SS18: variants seen among roughly 807,000 people sequenced by gnomAD.
SS18 encodes SS18 subunit of BAF chromatin remodeling complex.
A neutral mutation model predicts 72.5 loss-of-function variants in SS18; 28 were observed. The ratio of observed to expected loss-of-function variants is 0.39; its 90% CI spans 0.29 to 0.53. The LOEUF (loss-of-function observed/expected upper bound fraction) is 0.53, where lower values mean the gene tolerates loss of function less well. SS18 is among the 20% of genes least tolerant of loss of function. The pLI is 0.76. For synonymous variants in SS18, 172 were observed against 164.2 expected (o/e 1.05, Z -0.37); for missense variants, 518 against 535.3 (o/e 0.97, Z 0.32).
chr18:26,048,769 G>A (rs1400526917), intron 5 of SS18, among the ~76,000 whole-genome samples: 3 of 152,174 alleles, frequency 2.0e-5, no homozygotes, highest in African/African-American at 7.2e-5. Context: ...ACTTAGCCAC[G>A]TGAATCAACA....
chr18:26,083,212 G>A (rs1037581731), intron 2 of SS18, among the ~76,000 whole-genome samples: 2 of 152,114 alleles, frequency 1.3e-5, no homozygotes, highest in African/African-American at 4.8e-5. Flanking sequence ...AAGTATATGT[G>A]AGAAAATGAG....
intron 4 of SS18, among the ~76,000 whole-genome samples, chr18:26,055,747 TTC>T (rs1053409584): frequency 9.3e-5 from 14 of 150,426 alleles, no homozygotes; most frequent in Non-Finnish European, 1.8e-4. Flanking sequence ...GAGAAATTCT[TTC>T]TGTTTTTTTT....
chr18:26,090,491 G>C lies in SS18; in HGVS notation c.69+10C>G, dbSNP rs768746061. The C allele has an allele frequency of 1.3e-6, 2 of 1,563,606 alleles. No individual in the cohort carries two copies. Among genetic ancestry groups the C allele is most frequent in the African/African-American group, 1.4e-5 (1 of 73,296 alleles). On this transcript the variant is annotated intron_variant, in intron 1 of 10. Coordinates refer to ENST00000415083, the MANE Select transcript of SS18 (RefSeq NM_001007559.3). ...AAGGGCCTGGCATCCGCAACCCCGC[G>C]CGGTTTCACCTTCTGAATCGCAGCG...
chr18:26,087,444 T>A, intron 2 of SS18, 57 bp downstream of exon 2: 1 of 955,650 alleles, frequency 1.0e-6, no homozygotes, highest in Non-Finnish European at 1.6e-6. Flanking sequence ...TAGTAAAAAG[T>A]AAAAAATTAA....
chr18:26,035,239 AT>A lies in SS18; in HGVS notation c.974-113del. 7.9e-7 allele frequency: 1 copy of A among 1,267,522 alleles called. No homozygotes were observed. The highest frequency in any genetic ancestry group is 2.6e-5 in the Admixed American group (1 of 37,952). 78.5% of individuals were successfully genotyped at this position (1,267,522 alleles called of 1,614,324 possible). A position where few individuals can be genotyped will look rare whatever the true frequency, so the allele number is the denominator to read the frequency against. ...AAGAACAAAATGAAATGCCATATTGATTTTTAGAAGTTAACAAAACAAAGAA... is the reference window on the plus strand; with the variant it reads ...AAGAACAAAATGAAATGCCATATTGATTTTAGAAGTTAACAAAACAAAGAA... On this transcript the variant is annotated intron_variant, in intron 8 of 10. Coordinates refer to ENST00000415083, the MANE Select transcript of SS18 (RefSeq NM_001007559.3). This position sits in a 1 kb window ranked among gnomAD's most constrained non-coding sequence, Gnocchi z 4.4.
At chr18:26,070,114 TC>T (rs2054288294) in intron 3 of SS18, among the ~76,000 whole-genome samples, 1 of 152,050 alleles carries the variant, frequency 6.6e-6, no homozygotes, top group African/African-American at 2.4e-5. Flanking sequence ...ACACAAGAAA[TC>T]CACGTAACAA....
intron 3 of SS18, among the ~76,000 whole-genome samples, chr18:26,069,224 G>A (rs1056793844): frequency 1.3e-5 from 2 of 151,964 alleles, no homozygotes; most frequent in Non-Finnish European, 2.9e-5. Context: ...ACCTTTACAT[G>A]TTGGACACCA....
At chr18:26,057,555 T>G (rs780993267) in intron 4 of SS18, 34 bp downstream of exon 4, 14 of 1,596,652 alleles carry the variant, frequency 8.8e-6, no homozygotes, top group South Asian at 5.5e-5. Flanking sequence ...GCTAAGCAAC[T>G]CTGGTGTTAA....
intron 5 of SS18, among the ~76,000 whole-genome samples, chr18:26,041,597 G>A (rs1005306490): frequency 2.0e-5 from 3 of 151,948 alleles, no homozygotes; most frequent in Non-Finnish European, 4.4e-5. Context: ...AACCTGATCG[G>A]ACATTTATGT....
At chr18:26,076,710 C>G (rs2054420164) in intron 3 of SS18, among the ~76,000 whole-genome samples, 1 of 151,904 alleles carries the variant, frequency 6.6e-6, no homozygotes, top group Non-Finnish European at 1.5e-5. Flanking sequence ...AACAAAGAAG[C>G]TATGAAATAC....
At chr18:26,058,603 T>C (rs1170006340) in intron 3 of SS18, among the ~76,000 whole-genome samples, 1 of 152,266 alleles carries the variant, frequency 6.6e-6, no homozygotes, top group Admixed American at 6.5e-5. Context: ...GGCCAGTTAC[T>C]GTATGCCTTT....
intron 4 of SS18, among the ~76,000 whole-genome samples, chr18:26,053,977 G>C (rs556366986): frequency 2.6e-4 from 39 of 152,222 alleles, no homozygotes; most frequent in African/African-American, 8.9e-4. Context: ...GTGGGAGATT[G>C]GTTCCAGAAC....
chr18:26,090,825 T>G, upstream of SS18: 1 of 563,434 alleles, frequency 1.8e-6, no homozygotes, highest in East Asian at 3.1e-5. Flanking sequence ...GAGCTCTCCT[T>G]ATGGGCACCC....
chr18:26,090,643 CT>C, upstream of SS18: 1 of 1,467,474 alleles, frequency 6.8e-7, no homozygotes. Context: ...AGACGCCGGC[CT>C]CTCGGGCTGA....
intron 3 of SS18, among the ~76,000 whole-genome samples, chr18:26,065,803 A>ATATATATATATATATATATATAT (rs2054203788): frequency 1.9e-5 from 2 of 107,060 alleles, no homozygotes; most frequent in African/African-American, 8.1e-5. Flanking sequence ...ACAAATCCAT[A>ATATATATATATATATATATATAT]TATATATATA....
In SS18 at chr18:26,035,959, A is replaced by T. The variant is rs1322351535; in HGVS notation, c.881-36T>A. ...TCGACAAGAGACAGGAAGAAACGTT[A>T]ATGGCCACTGAGTGAAAACCCTAAA... On this transcript the variant is annotated intron_variant, in intron 7 of 10. Coordinates refer to ENST00000415083, the MANE Select transcript of SS18 (RefSeq NM_001007559.3). This position sits in a 1 kb window ranked among gnomAD's most constrained non-coding sequence, Gnocchi z 4.4. 7.4e-7 allele frequency: 1 copy of T among 1,356,736 alleles called. No individual in the cohort carries two copies. Among genetic ancestry groups the T allele is most frequent in the Admixed American group, 1.9e-5 (1 of 53,636 alleles). The allele number at this position is 1,356,736 out of a possible 1,614,324, so 84.0% of individuals were successfully genotyped here.
intron 5 of SS18, among the ~76,000 whole-genome samples, chr18:26,047,829 G>A (rs958564807): frequency 6.6e-6 from 1 of 150,750 alleles, no homozygotes. Context: ...AGAGTGAGGC[G>A]ACAGAGTGAG....
chr18:26,074,909 T>C (rs925549611), intron 3 of SS18, among the ~76,000 whole-genome samples: 4 of 151,800 alleles, frequency 2.6e-5, no homozygotes, highest in African/African-American at 4.8e-5. Flanking sequence ...AAAAAGAAAA[T>C]TATCACTACA....
chr18:26,081,935 G>C (rs895204784), intron 2 of SS18, among the ~76,000 whole-genome samples: 1 of 152,076 alleles, frequency 6.6e-6, no homozygotes, highest in East Asian at 1.9e-4. Flanking sequence ...GCACGCACCT[G>C]TAGTCCCTGC....
Sources: allele counts gnomAD v4.1 joint callset (sites outside exome capture counted in the v4.1 genomes callset), GRCh38; gene constraint gnomAD v4.1.1; non-coding constraint Gnocchi (gnomAD v3.1); transcripts MANE v1.5; gene names NCBI Gene and HGNC (gene_info 2026-07-23, HGNC 2026-07-21).